Variants in MYT1L observed in about 807,000 individuals in gnomAD.
MYT1L encodes myelin transcription factor 1-like protein.
In MYT1L, 12 loss-of-function variants were observed where a neutral mutation model predicts 126.7. That is an observed-to-expected ratio of 0.09 (90% confidence interval 0.06 to 0.15). MYT1L has a LOEUF of 0.15. MYT1L is among the 10% of genes least tolerant of loss of function. The pLI is 1.00. For synonymous variants in MYT1L, 541 were observed against 604.2 expected (o/e 0.90, Z 1.53); for missense variants, 979 against 1,585.2 (o/e 0.62, Z 6.49).
intron 3 of MYT1L, among the ~76,000 whole-genome samples, chr2:2,054,833 G>A (rs1273754381): frequency 6.6e-6 from 1 of 152,024 alleles, no homozygotes; most frequent in Non-Finnish European, 1.5e-5. Flanking sequence ...ACACAGAGAT[G>A]ATGAGAGGTA....
At chr2:1,821,864 G>T (rs557287785) in intron 21 of MYT1L, among the ~76,000 whole-genome samples, 3 of 152,180 alleles carry the variant, frequency 2.0e-5, no homozygotes, top group African/African-American at 7.2e-5. Flanking sequence ...TCAGTACAAC[G>T]GCTCATCCTG....
intron 1 of MYT1L, among the ~76,000 whole-genome samples, chr2:2,328,855 T>C (rs2096267770): frequency 1.3e-5 from 2 of 152,214 alleles, no homozygotes. Flanking sequence ...GGAAAGTCTT[T>C]ACTAAATAAA....
In MYT1L at chr2:2,004,925, G is replaced by GGCGTTCTTTCCT. The variant is rs1558704425; in HGVS notation, c.-157-7579_-157-7578insAGGAAAGAACGC. Among the ~76,000 whole-genome samples, 12 of 125,756 alleles carry GGCGTTCTTTCCT rather than the reference G, an allele frequency of 9.5e-5. No individual in the cohort carries two copies. The East Asian group carries it at 3.0e-3, about 31-fold the overall frequency. 82.5% of individuals were successfully genotyped at this position (125,756 alleles called of 152,430 possible). A position where few individuals can be genotyped will look rare whatever the true frequency, so the allele number is the denominator to read the frequency against. Reference sequence around the variant, plus strand: ...TTTCCTGCATGCGTTCTTTCCTGCAGGCATTCTTTCCTGCATGCGTTCTTT... The same window carrying GGCGTTCTTTCCT: ...TTTCCTGCATGCGTTCTTTCCTGCAGGCGTTCTTTCCTGCATTCTTTCCTGCATGCGTTCTTT... On this transcript the variant is annotated intron_variant, in intron 4 of 24. Transcript: ENST00000647738.
chr2:2,256,244 T>G (rs1233170814), intron 2 of MYT1L, among the ~76,000 whole-genome samples: 1 of 152,210 alleles, frequency 6.6e-6, no homozygotes, highest in Non-Finnish European at 1.5e-5. Flanking sequence ...GAGGCCAGTG[T>G]GGGCACCATC....
intron 8 of MYT1L, among the ~76,000 whole-genome samples, chr2:1,968,997 G>A (rs1023643554): frequency 1.3e-5 from 2 of 152,218 alleles, no homozygotes; most frequent in African/African-American, 4.8e-5. Flanking sequence ...CTGCCCCATA[G>A]TCCTCACCCC....
At chr2:1,939,887 C>T (rs539974517) in intron 9 of MYT1L, among the ~76,000 whole-genome samples, 1 of 152,234 alleles carries the variant, frequency 6.6e-6, no homozygotes, top group African/African-American at 2.4e-5. Context: ...CCAGAGAAAG[C>T]CTTCGTGAGC....
intron 2 of MYT1L, among the ~76,000 whole-genome samples, chr2:2,279,546 A>AAGGAATGAATG: frequency 6.8e-6 from 1 of 147,722 alleles, no homozygotes; most frequent in African/African-American, 2.5e-5. Flanking sequence ...GGAGAGAGAG[A>AAGGAATGAATG]AAGAGAGAAG....
At chr2:2,116,330 C>G (rs192354169) in intron 3 of MYT1L, among the ~76,000 whole-genome samples, 1 of 152,346 alleles carries the variant, frequency 6.6e-6, no homozygotes, top group East Asian at 1.9e-4. Flanking sequence ...GAGCACCATG[C>G]TGAGTCGTCA....
chr2:1,859,114 T>C (rs969595074), intron 18 of MYT1L, among the ~76,000 whole-genome samples: 1 of 152,190 alleles, frequency 6.6e-6, no homozygotes, highest in South Asian at 2.1e-4. Flanking sequence ...TTAGAGGGTC[T>C]CCCATTCGGC....
chr2:2,231,673 C>T (rs1559406093), intron 2 of MYT1L, among the ~76,000 whole-genome samples: 1 of 152,096 alleles, frequency 6.6e-6, no homozygotes, highest in Non-Finnish European at 1.5e-5. Context: ...GTCTTGAACT[C>T]CTGAGCTCGA....
chr2:2,029,296 G>C (rs1373523190), intron 4 of MYT1L, among the ~76,000 whole-genome samples: 3 of 152,146 alleles, frequency 2.0e-5, no homozygotes, highest in Non-Finnish European at 4.4e-5. Context: ...ACATACCCAA[G>C]ACTGGGTAAT....
At chr2:1,946,152 TG>T (rs1353376044) in intron 8 of MYT1L, among the ~76,000 whole-genome samples, 1 of 152,070 alleles carries the variant, frequency 6.6e-6, no homozygotes, top group Non-Finnish European at 1.5e-5. Flanking sequence ...GAACTGTGTA[TG>T]TGAGGGATGT....
chr2:2,107,990 C>G (rs2150545924), intron 3 of MYT1L, among the ~76,000 whole-genome samples: 1 of 152,274 alleles, frequency 6.6e-6, no homozygotes, highest in South Asian at 2.1e-4. Flanking sequence ...GAGTCAATAT[C>G]TAAGAAATCG....
At position 1,975,154 on chromosome 2, in the gene MYT1L, C is replaced by T. The variant is rs1337254890; in HGVS notation, c.152+4011G>A. ...TTCTCAATTTCGTACAAGCCCGTAA[C>T]TATACAACAATCACACTAAAAAAAA... On this transcript the variant is annotated intron_variant, in intron 8 of 24. Transcript: ENST00000647738. Among the ~76,000 whole-genome samples, 8 of 149,402 alleles carry T rather than the reference C, an allele frequency of 5.4e-5. No homozygotes were observed. The East Asian group carries it at 1.6e-3, about 30-fold the overall frequency.
rs368119488 is a variant in MYT1L at position 2,238,305 on chromosome 2, C to A, written c.-421+46099G>T. ...GTACCCTGCTGTCCGGGCCTCAACT[C>A]TTTAATCTAGAAAATGAAGATTTGG... On this transcript the variant is annotated intron_variant, in intron 2 of 24. Coordinates refer to ENST00000647738, the MANE Select transcript of MYT1L (RefSeq NM_001303052.2). 3.3e-4 allele frequency among the ~76,000 whole-genome samples: 50 copies of A among 152,222 alleles called. No homozygotes were observed. In the South Asian group the frequency reaches 0.01, roughly 32 times the overall value.
chr2:1,906,181 T>G (rs993087642), intron 13 of MYT1L, among the ~76,000 whole-genome samples: 2 of 152,244 alleles, frequency 1.3e-5, no homozygotes, highest in African/African-American at 4.8e-5. Flanking sequence ...TTTGGTGTAT[T>G]TTTTATGATT....
At chr2:2,279,466 A>G (rs762088759) in intron 2 of MYT1L, among the ~76,000 whole-genome samples, 3 of 151,576 alleles carry the variant, frequency 2.0e-5, no homozygotes, top group Non-Finnish European at 2.9e-5. Context: ...AGGGAAAAAG[A>G]GAGGTGGAGT....
intron 19 of MYT1L, among the ~76,000 whole-genome samples, chr2:1,850,728 T>G (rs541198388): frequency 2.6e-5 from 4 of 152,224 alleles, no homozygotes; most frequent in Admixed American, 6.5e-5. Flanking sequence ...TTGGATATCC[T>G]ACCACCCTGG....
intron 8 of MYT1L, among the ~76,000 whole-genome samples, chr2:1,973,072 T>C (rs192744971): frequency 6.6e-6 from 1 of 152,266 alleles, no homozygotes; most frequent in Non-Finnish European, 1.5e-5. Flanking sequence ...CCATTACATT[T>C]CAGAAATAAA....
Sources: gnomAD v4.1 joint callset for allele counts (sites outside exome capture counted in the v4.1 genomes callset) on GRCh38, gnomAD v4.1.1 for gene constraint, MANE v1.5 for transcripts, NCBI Gene and HGNC (gene_info 2026-07-23, HGNC 2026-07-21) for gene names.